The following ANKH variants were observed in gnomAD, a reference collection of about 807,000 sequenced individuals.
ANKH encodes the protein mineralization regulator ANKH.
Under a neutral mutation model 49.0 loss-of-function variants are expected in ANKH, and 15 were observed. The observed-to-expected ratio is 0.31, with a 90% CI of 0.20 to 0.47. ANKH has a LOEUF of 0.47. Ranked by LOEUF, ANKH falls within the 20% of genes least tolerant of loss-of-function variation. The pLI is 1.00. For missense variants in ANKH, 429 were observed against 652.0 expected, an observed-to-expected ratio of 0.66 and a Z score of 3.72; for synonymous variants, 273 against 260.0, an observed-to-expected ratio of 1.05 and a Z score of -0.48.
chr5:14,823,748 G>A (rs941666095), intron 1 of ANKH, among the ~76,000 whole-genome samples: 20 of 152,172 alleles, frequency 1.3e-4, no homozygotes, highest in African/African-American at 4.6e-4. Context: ...CCAACATGGT[G>A]AAATCCTGTC....
intron 9 of ANKH, 105 bp downstream of exon 9, chr5:14,716,601 A>G: frequency 6.6e-7 from 1 of 1,514,544 alleles, no homozygotes; most frequent in African/African-American, 1.4e-5. Flanking sequence ...GCCACAGTGA[A>G]ATTTTACATT....
chr5:14,707,308 C>A lies in ANKH; in HGVS notation c.*3889G>T, dbSNP rs1379872275. 1 of 151,210 alleles carries A rather than the reference C, an allele frequency of 6.6e-6. No individual in the cohort carries two copies. The highest frequency in any genetic ancestry group is 6.6e-5 in the Admixed American group (1 of 15,180). 9.4% of individuals were successfully genotyped at this position (151,210 alleles called of 1,614,324 possible). A position where few individuals can be genotyped will look rare whatever the true frequency, so the allele number is the denominator to read the frequency against. ...CAGTTTGAAGGGGGAAAAAAAAAAA[C>A]CAGTCAGCTACTGAGTCTTCAAATC... On this transcript the variant is annotated 3_prime_UTR_variant, in exon 12 of 12. Transcript: ENST00000284268.
chr5:14,723,220 A>G (rs1407529761), intron 8 of ANKH, among the ~76,000 whole-genome samples: 1 of 152,152 alleles, frequency 6.6e-6, no homozygotes, highest in Non-Finnish European at 1.5e-5. Context: ...AGTTTAGTTC[A>G]CAGTCACACA....
At chr5:14,728,528 C>CGGCGT (rs1238314471) in intron 8 of ANKH, among the ~76,000 whole-genome samples, 1 of 152,190 alleles carries the variant, frequency 6.6e-6, no homozygotes, top group Non-Finnish European at 1.5e-5. Flanking sequence ...CTCCACCTCA[C>CGGCGT]GGCGTGGGGG....
chr5:14,846,424 GT>G (rs1468976303), intron 1 of ANKH, among the ~76,000 whole-genome samples: 1 of 152,184 alleles, frequency 6.6e-6, no homozygotes, highest in Non-Finnish European at 1.5e-5. Flanking sequence ...TTAACAGCTA[GT>G]AGAGTTTGGA....
At chr5:14,755,440 G>A (rs1291297894) in intron 4 of ANKH, among the ~76,000 whole-genome samples, 1 of 152,162 alleles carries the variant, frequency 6.6e-6, no homozygotes, top group Non-Finnish European at 1.5e-5. Flanking sequence ...GAACATTGAA[G>A]AATAATTCCT....
chr5:14,820,254 T>C (rs188990574), intron 1 of ANKH, among the ~76,000 whole-genome samples: 248 of 152,320 alleles, frequency 1.6e-3, no homozygotes, highest in African/African-American at 5.7e-3. Flanking sequence ...TTTAGTTTCA[T>C]GAATGAGATG....
rs1737075694 is a variant in ANKH, at chr5:14,709,490, C to A, written c.*1707G>T. 1 of 152,212 alleles carries A rather than the reference C, an allele frequency of 6.6e-6. No homozygotes were observed. Among genetic ancestry groups the A allele is most frequent in the Admixed American group, 6.5e-5 (1 of 15,278 alleles). 9.4% of individuals were successfully genotyped at this position (152,212 alleles called of 1,614,324 possible). A position where few individuals can be genotyped will look rare whatever the true frequency, so the allele number is the denominator to read the frequency against. On this transcript the variant is annotated 3_prime_UTR_variant, in exon 12 of 12. Coordinates refer to ENST00000284268, the MANE Select transcript of ANKH (RefSeq NM_054027.6). ...TGGGTACCCAGGAATGTGAATGCAA[C>A]CCTGGCATGTTCACAGCTAACATTA...
At chr5:14,809,471 T>C (rs1740814261) in intron 1 of ANKH, among the ~76,000 whole-genome samples, 1 of 151,900 alleles carries the variant, frequency 6.6e-6, no homozygotes, top group African/African-American at 2.4e-5. Context: ...GAAGGGAGGA[T>C]GACTTGAGCC....
At chr5:14,865,132 T>C (rs1318210794) in intron 1 of ANKH, among the ~76,000 whole-genome samples, 2 of 152,058 alleles carry the variant, frequency 1.3e-5, no homozygotes, top group Non-Finnish European at 2.9e-5. Flanking sequence ...TGGTGACGCA[T>C]GCCTGTAATC....
At chr5:14,762,582 C>T (rs258358) in intron 2 of ANKH, among the ~76,000 whole-genome samples, 1 of 152,196 alleles carries the variant, frequency 6.6e-6, no homozygotes, top group Non-Finnish European at 1.5e-5. Context: ...ATCTACTCTT[C>T]CCCTACATGA....
In ANKH at chr5:14,809,723, T is replaced by C. The variant is rs187792061; in HGVS notation, c.97-40532A>G. ...AATGTTCAATTCTCACCTTTCTGCATTTCCCAGACCTTTCAGGCTAAGGCC... is the reference window on the plus strand; with the variant it reads ...AATGTTCAATTCTCACCTTTCTGCACTTCCCAGACCTTTCAGGCTAAGGCC... On this transcript the variant is annotated intron_variant, in intron 1 of 11. Coordinates refer to ENST00000284268, the MANE Select transcript of ANKH (RefSeq NM_054027.6). 2.9e-3 allele frequency among the ~76,000 whole-genome samples: 435 copies of C among 152,314 alleles called. 1 individual carries two copies. Among genetic ancestry groups the C allele is most frequent in the Non-Finnish European group, 4.9e-3 (336 of 68,022 alleles).
intron 1 of ANKH, among the ~76,000 whole-genome samples, chr5:14,849,881 G>T (rs909294623): frequency 2.0e-5 from 3 of 152,112 alleles, no homozygotes; most frequent in African/African-American, 7.2e-5. Flanking sequence ...AGGGCTGGGG[G>T]TGTGAACTAG....
rs2126482883 is a variant in ANKH at position 14,751,070 on chromosome 5, C to T, written c.686G>A (p.Gly229Glu). ...IIPDRSGPEL[G>E]GDATIRKMLS... ...CTGCTGTTGGGTTGGTAGACGTACC[C>T]CCAGCTCCGGGCCACTTCTGTCAGG... is the stretch of plus-strand genomic sequence containing the variant. Residue 229 changes from glycine (G) to glutamate (E), a missense_variant and splice_region_variant, in exon 5 of 12, where the codon GGG becomes GAG. This residue lies in a region of ANKH where 378 missense variants were observed against 615.3 expected (regional missense o/e 0.61). Coordinates refer to ENST00000284268, the MANE Select transcript of ANKH (RefSeq NM_054027.6). 2 of 1,614,180 alleles carry T rather than the reference C, an allele frequency of 1.2e-6. No individual in the cohort carries two copies. Among genetic ancestry groups the T allele is most frequent in the Non-Finnish European group, 1.7e-6 (2 of 1,180,032 alleles).
chr5:14,739,799 T>C (rs1391911111), intron 8 of ANKH, among the ~76,000 whole-genome samples: 1 of 152,210 alleles, frequency 6.6e-6, no homozygotes, highest in East Asian at 1.9e-4. Flanking sequence ...ATTATGGGTT[T>C]TGACTAGTTC....
rs183623771 is a variant in ANKH, at chr5:14,844,457, A to C, written c.96+26895T>G. ...GGTCCTTCACCTAAAGAAAGACATGAATGCTGTTTCTATCTAAACTGCAGC... is the reference window on the plus strand; with the variant it reads ...GGTCCTTCACCTAAAGAAAGACATGCATGCTGTTTCTATCTAAACTGCAGC... On this transcript the variant is annotated intron_variant, in intron 1 of 11. Coordinates refer to ENST00000284268, the MANE Select transcript of ANKH (RefSeq NM_054027.6). Among the ~76,000 whole-genome samples, 12 of 152,350 alleles carry C rather than the reference A, an allele frequency of 7.9e-5. No homozygotes were observed. In the East Asian group the frequency reaches 1.9e-3, roughly 24 times the overall value.
chr5:14,718,440 T>C (rs1737555128), intron 8 of ANKH, among the ~76,000 whole-genome samples: 1 of 152,024 alleles, frequency 6.6e-6, no homozygotes, highest in Non-Finnish European at 1.5e-5. Flanking sequence ...AAAAAAAACT[T>C]TTCTCCACTG....
chr5:14,796,233 G>A (rs1286709625), intron 1 of ANKH, among the ~76,000 whole-genome samples: 1 of 150,384 alleles, frequency 6.6e-6, no homozygotes, highest in Admixed American at 6.6e-5. Context: ...TAGTCATGGA[G>A]AGTAATAGGC....
intron 1 of ANKH, among the ~76,000 whole-genome samples, chr5:14,842,356 G>T (rs1022294121): frequency 6.6e-6 from 1 of 152,130 alleles, no homozygotes; most frequent in Non-Finnish European, 1.5e-5. Context: ...CATACCTGAC[G>T]GTCAAGGACA....
Sources: allele counts gnomAD v4.1 joint callset (sites outside exome capture counted in the v4.1 genomes callset), GRCh38; gene constraint gnomAD v4.1.1; regional missense constraint gnomAD v4.1.1; transcripts MANE v1.5; gene names NCBI Gene and HGNC (gene_info 2026-07-23, HGNC 2026-07-21).